The following DMPK variants were observed in gnomAD, a reference collection of about 807,000 sequenced individuals.
DMPK encodes myotonin-protein kinase.
Under a neutral mutation model 70.3 loss-of-function variants are expected in DMPK, and 32 were observed. That is an observed-to-expected ratio of 0.46 (90% CI 0.34 to 0.61). DMPK has a LOEUF of 0.61. DMPK is among the 20% of genes least tolerant of loss of function. DMPK has a pLI of 0.01. For missense variants in DMPK, 899 were observed against 886.0 expected, an observed-to-expected ratio of 1.01 and a Z score of -0.19; for synonymous variants, 469 against 390.9, an observed-to-expected ratio of 1.20 and a Z score of -2.36.
In DMPK at chr19:45,771,058, T is replaced by C. The variant is rs1319968108; in HGVS notation, c.1650A>G (p.Leu550=). ...SPRATDPPSH[L]DGPPAVAVGQ... The stretch of plus-strand genomic sequence containing the variant: ...CCACAGCCACGGCCGGGGGGCCATC[T>C]AGCTGGAGAGAGAAGGGACAGGTGA... Residue 550 remains leucine (L), a splice_region_variant and synonymous_variant, in exon 14 of 15, where the codon CTA becomes CTG. Coordinates refer to ENST00000291270, the MANE Select transcript of DMPK (RefSeq NM_004409.5). 7 of 1,522,568 alleles carry C rather than the reference T, an allele frequency of 4.6e-6. No individual in the cohort carries two copies. The highest frequency in any genetic ancestry group is 6.2e-6 in the Non-Finnish European group (7 of 1,136,362). 94.3% of individuals were successfully genotyped at this position (1,522,568 alleles called of 1,614,324 possible).
intron 13 of DMPK, 63 bp downstream of exon 13, chr19:45,771,287 G>A (rs372182032): frequency 1.9e-6 from 3 of 1,542,276 alleles, no homozygotes; most frequent in Non-Finnish European, 2.6e-6. Flanking sequence ...GAGACCAGGA[G>A]CCAGGGAGGG....
At chr19:45,771,463 C>T in intron 12 of DMPK, 67 bp from the exon 13 acceptor site, 1 of 1,610,054 alleles carries the variant, frequency 6.2e-7, no homozygotes, top group South Asian at 1.1e-5. Context: ...GCGGCGTGCC[C>T]CAGCGTGGGT....
intron 14 of DMPK, 34 bp downstream of exon 14, chr19:45,770,937 G>C (rs980611619): frequency 2.2e-6 from 3 of 1,385,648 alleles, no homozygotes; most frequent in East Asian, 2.7e-5. Flanking sequence ...CGCGGGGCGC[G>C]ACGGCGGAGG....
At chr19:45,770,695 GA>G in intron 14 of DMPK, 55 bp from the exon 15 acceptor site, 1 of 1,527,850 alleles carries the variant, frequency 6.5e-7, no homozygotes, top group Admixed American at 2.0e-5. Context: ...TGGCTCCTGG[GA>G]CTCGCCCCGC....
chr19:45,776,370 C>T (rs36141801), intron 8 of DMPK, among the ~76,000 whole-genome samples: 11 of 46,056 alleles, frequency 2.4e-4, no homozygotes, highest in Admixed American at 7.2e-4. Context: ...GTCTCGATCT[C>T]CTGACCTCGT....
Position 45,778,113 on chromosome 19 carries a change from G to C in DMPK, c.675+14C>G, listed in dbSNP as rs760454262. On this transcript the variant is annotated intron_variant, in intron 6 of 14. Transcript: ENST00000291270. ...AGCAGCCCCAGTTGCTCTGTGGCCA[G>C]GGCACTGGCTCACCGTTCCATCTGC... 1.7e-5 allele frequency: 27 copies of C among 1,601,232 alleles called. No homozygotes were observed. The highest frequency in any genetic ancestry group is 2.1e-5 in the Non-Finnish European group (25 of 1,172,422).
intron 2 of DMPK, 46 bp from the exon 3 acceptor site, chr19:45,779,568 A>T: frequency 1.2e-6 from 2 of 1,610,330 alleles, no homozygotes; most frequent in Non-Finnish European, 1.7e-6. Context: ...GGGAAAACAA[A>T]AGGGCTCGCC....
intron 8 of DMPK, chr19:45,775,235 T>C (rs1306241701): frequency 1.9e-6 from 1 of 515,468 alleles, no homozygotes; most frequent in African/African-American, 2.0e-5. Flanking sequence ...TGGTGCAATC[T>C]CAGCTCACTG....
In DMPK at chr19:45,770,161, G is replaced by A. The variant is rs1969250322; in HGVS notation, c.*327C>T. The A allele has an allele frequency of 3.1e-6, 2 of 645,460 alleles. No individual in the cohort carries two copies. Among genetic ancestry groups the A allele is most frequent in the Non-Finnish European group, 2.6e-6 (1 of 387,944 alleles). 40.0% of individuals were successfully genotyped at this position (645,460 alleles called of 1,614,324 possible). A position where few individuals can be genotyped will look rare whatever the true frequency, so the allele number is the denominator to read the frequency against. On this transcript the variant is annotated 3_prime_UTR_variant, in exon 15 of 15. Transcript: ENST00000291270. ...GCCTGCAGTTTGCCCATCCACGTCA[G>A]GGCCTCAGCCTGGCCGAAAGAAAGA... is the stretch of plus-strand genomic sequence containing the variant.
At chr19:45,773,196 C>T (rs1746212647) in intron 9 of DMPK, among the ~76,000 whole-genome samples, 1 of 152,174 alleles carries the variant, frequency 6.6e-6, no homozygotes, top group South Asian at 2.1e-4. Context: ...GTCAGCACAC[C>T]CCACTCAGCT....
At chr19:45,772,943 C>T (rs897480158) in intron 9 of DMPK, among the ~76,000 whole-genome samples, 191 bp from the exon 10 acceptor site, 19 of 152,238 alleles carry the variant, frequency 1.2e-4, no homozygotes, top group Admixed American at 1.2e-3. Flanking sequence ...AAAAGCCCTG[C>T]CCCTCTCCTG....
rs548540888 is a variant in DMPK at position 45,773,310 on chromosome 19, T to C, written c.1233-558A>G. ...GCTCAGGACCTAGCTATCCTGGACATGCGCCTGGGTTCTAATAGAGGATGG... is the reference window on the plus strand; with the variant it reads ...GCTCAGGACCTAGCTATCCTGGACACGCGCCTGGGTTCTAATAGAGGATGG... On this transcript the variant is annotated intron_variant, in intron 9 of 14. Transcript: ENST00000291270. Among the ~76,000 whole-genome samples, 439 of 152,332 alleles carry C rather than the reference T, an allele frequency of 2.9e-3. 4 individuals are homozygous for C. Among genetic ancestry groups the C allele is most frequent in the African/African-American group, 9.9e-3 (413 of 41,574 alleles).
chr19:45,769,796 A>G lies in DMPK; in HGVS notation c.*692T>C, dbSNP rs1164528842. ...TGGGGACAGACAATAAATACCGAGG[A>G]ATGTCGGGGTCTCAGTGCATCCAAA... On this transcript the variant is annotated 3_prime_UTR_variant, in exon 15 of 15. Coordinates refer to ENST00000291270, the MANE Select transcript of DMPK (RefSeq NM_004409.5). The G allele has an allele frequency of 4.9e-6, 1 of 202,778 alleles. No homozygotes were observed. Among genetic ancestry groups the G allele is most frequent in the Non-Finnish European group, 1.0e-5 (1 of 98,418 alleles). The allele number at this position is 202,778 out of a possible 1,614,324, so 12.6% of individuals were successfully genotyped here.
At chr19:45,780,486 T>C in intron 1 of DMPK, 1 of 1,187,210 alleles carries the variant, frequency 8.4e-7, no homozygotes. Flanking sequence ...AGGAGTGCTT[T>C]AGTCCTACCC....
In DMPK at chr19:45,770,659, G is replaced by A. The variant is rs1233759785; in HGVS notation, c.1738-19C>T. On this transcript the variant is annotated intron_variant, in intron 14 of 14. Coordinates refer to ENST00000291270, the MANE Select transcript of DMPK (RefSeq NM_004409.5). ...TAGGGACCTGCGGGGAGAGGGCGAGGTCAACACCCGGCATGGGCCTCTGAT... is the reference window on the plus strand; with the variant it reads ...TAGGGACCTGCGGGGAGAGGGCGAGATCAACACCCGGCATGGGCCTCTGAT... 9.7e-6 allele frequency: 15 copies of A among 1,548,742 alleles called. No homozygotes were observed. The highest frequency in any genetic ancestry group is 2.0e-5 in the Admixed American group (1 of 50,884).
chr19:45,776,214 G>A lies in DMPK; in HGVS notation c.1146+1113C>T, dbSNP rs1478353697. Among the ~76,000 whole-genome samples, 3 of 90,152 alleles carry A rather than the reference G, an allele frequency of 3.3e-5. 1 individual carries two copies. The Admixed American group carries it at 4.6e-4, about 14-fold the overall frequency. The allele number at this position is 90,152 out of a possible 152,430, so 59.1% of individuals were successfully genotyped here. A position where few individuals can be genotyped will look rare whatever the true frequency, so the allele number is the denominator to read the frequency against. ...GCTGGAGTGCAGTGGCACGATCTCG[G>A]CTCACTGCAAACTCTGCCTCCCGGG... On this transcript the variant is annotated intron_variant, in intron 8 of 14. Transcript: ENST00000291270.
At position 45,777,463 on chromosome 19, in the gene DMPK, G is replaced by C. The variant is rs142936719; in HGVS notation, c.1010C>G (p.Pro337Arg). 1,309 of 1,613,478 alleles carry C rather than the reference G, an allele frequency of 8.1e-4. 12 individuals carry two copies. Among genetic ancestry groups the C allele is most frequent in the Middle Eastern group, 8.1e-3 (49 of 6,062 alleles). The change falls in exon 8 of 15, where the codon CCC becomes CGC. Residue 337 changes from proline (P) to arginine (R), a missense_variant. By Grantham distance (103) the Pro-to-Arg change is moderately radical. Coordinates refer to ENST00000291270, the MANE Select transcript of DMPK (RefSeq NM_004409.5). This position sits in a 1 kb window ranked among gnomAD's most constrained non-coding sequence, Gnocchi z 6.7. The stretch of plus-strand genomic sequence containing the variant: ...ATCCCAGTCGAGGCCAAAGAAGAAG[G>C]GATGTGTCCGGAAGTCGCCTGCTCC... The part of the protein sequence containing the change: ...RGGAGDFRTH[P>R]FFFGLDWDGL...
intron 1 of DMPK, 119 bp from the exon 2 acceptor site, chr19:45,779,988 A>T (rs761002462): frequency 6.4e-7 from 1 of 1,565,526 alleles, no homozygotes; most frequent in South Asian, 1.2e-5. Context: ...TCACCCTAGG[A>T]CTGTCTGCTT....
At chr19:45,774,079 G>A (rs1255619666) in intron 9 of DMPK, among the ~76,000 whole-genome samples, 1 of 149,962 alleles carries the variant, frequency 6.7e-6, no homozygotes, top group Non-Finnish European at 1.5e-5. Context: ...TCAGCCTCCT[G>A]AGTAGCTGGG....
Sources: allele counts gnomAD v4.1 joint callset (sites outside exome capture counted in the v4.1 genomes callset), GRCh38; gene constraint gnomAD v4.1.1; non-coding constraint Gnocchi (gnomAD v3.1); transcripts MANE v1.5; gene names NCBI Gene and HGNC (gene_info 2026-07-23, HGNC 2026-07-21).